LSAMP: variants seen among roughly 807,000 people sequenced by gnomAD.
LSAMP encodes limbic system-associated membrane protein.
Under a neutral mutation model 38.6 loss-of-function variants are expected in LSAMP, and 7 were observed. That is an observed-to-expected ratio of 0.18 (90% CI 0.10 to 0.34). LSAMP has a LOEUF of 0.34. LSAMP is among the 10% of genes least tolerant of loss of function. The pLI is 1.00. For missense variants in LSAMP, 313 were observed against 420.0 expected (o/e 0.75, Z 2.23); for synonymous variants, 154 against 166.8 (o/e 0.92, Z 0.59).
intron 1 of LSAMP, among the ~76,000 whole-genome samples, chr3:116,106,551 T>C (rs9870861): frequency 0.095 from 14,421 of 152,140 alleles, 2,204 homozygotes; most frequent in African/African-American, 0.33. Context: ...GTGGCTGAGC[T>C]TGGTGAGGTG....
chr3:116,007,466 C>T (rs1576302415), intron 3 of LSAMP, among the ~76,000 whole-genome samples: 1 of 151,972 alleles, frequency 6.6e-6, no homozygotes, highest in African/African-American at 2.4e-5. Context: ...ATGAATATGC[C>T]AAGAGAATGA....
intron 1 of LSAMP, 58 bp downstream of exon 1, chr3:116,444,819 C>CACACAA: frequency 8.7e-7 from 1 of 1,153,894 alleles, no homozygotes; most frequent in African/African-American, 2.5e-5. Flanking sequence ...CAAACACACA[C>CACACAA]ACACACACAC....
intron 1 of LSAMP, among the ~76,000 whole-genome samples, chr3:116,108,679 C>T (rs887401008): frequency 3.9e-5 from 6 of 152,088 alleles, no homozygotes; most frequent in South Asian, 2.1e-4. Flanking sequence ...TTGAACAGTC[C>T]GATTTCTAGT....
Position 115,987,172 on chromosome 3 carries a change from A to G in LSAMP, c.514+32343T>C, listed in dbSNP as rs569825841. On this transcript the variant is annotated intron_variant, in intron 3 of 6. Coordinates refer to ENST00000490035, the MANE Select transcript of LSAMP (RefSeq NM_002338.5). The stretch of plus-strand genomic sequence containing the variant: ...TTTTGTATTTACCATACCTCATTTC[A>G]TTTTCTTCTTCCTGATCACAAACAA... 5.1e-4 allele frequency among the ~76,000 whole-genome samples: 77 copies of G among 152,232 alleles called. 2 individuals carry two copies. In the South Asian group the frequency reaches 0.016, roughly 31 times the overall value.
At chr3:116,415,818 A>G (rs111528518) in intron 1 of LSAMP, among the ~76,000 whole-genome samples, 9 of 152,256 alleles carry the variant, frequency 5.9e-5, no homozygotes, top group African/African-American at 1.9e-4. Context: ...GACTATATCA[A>G]CAAGGCTTTG....
chr3:116,326,182 C>T (rs1252567346), intron 1 of LSAMP, among the ~76,000 whole-genome samples: 2 of 151,826 alleles, frequency 1.3e-5, no homozygotes, highest in African/African-American at 4.8e-5. Context: ...TCAACCTTAC[C>T]CTGACCATGT....
intron 1 of LSAMP, among the ~76,000 whole-genome samples, chr3:116,275,574 T>G (rs1464082798): frequency 6.6e-6 from 1 of 151,006 alleles, no homozygotes; most frequent in Non-Finnish European, 1.5e-5. Context: ...GCATTTTCCG[T>G]TTTTTTTTAA....
chr3:116,360,028 A>G (rs1445958371), intron 1 of LSAMP: 1 of 154,618 alleles, frequency 6.5e-6, no homozygotes, highest in African/African-American at 2.4e-5. Context: ...GAATAGGAAC[A>G]GCTCCGGTCT....
chr3:115,871,931 A>G (rs1388773586), intron 3 of LSAMP, among the ~76,000 whole-genome samples: 1 of 152,154 alleles, frequency 6.6e-6, no homozygotes, highest in East Asian at 1.9e-4. Flanking sequence ...CTTGTGGGAA[A>G]GAAGAAAGAG....
chr3:116,194,162 T>C (rs946768069), intron 1 of LSAMP, among the ~76,000 whole-genome samples: 2 of 152,118 alleles, frequency 1.3e-5, no homozygotes, highest in African/African-American at 2.4e-5. Flanking sequence ...CATTAGAAGA[T>C]GAATGCCAGA....
chr3:116,030,101 C>T (rs553371884), intron 2 of LSAMP, among the ~76,000 whole-genome samples: 68 of 152,196 alleles, frequency 4.5e-4, no homozygotes, highest in African/African-American at 1.4e-3. Flanking sequence ...ACATGTGTAG[C>T]GTGGATATCT....
intron 3 of LSAMP, among the ~76,000 whole-genome samples, chr3:115,867,417 G>T (rs2107380144): frequency 6.6e-6 from 1 of 152,142 alleles, no homozygotes; most frequent in Admixed American, 6.6e-5. Context: ...ATTTCAAGAT[G>T]AAAAAGTTAA....
chr3:116,126,045 TGAAGG>T (rs1449933466), intron 1 of LSAMP, among the ~76,000 whole-genome samples: 1 of 152,222 alleles, frequency 6.6e-6, no homozygotes, highest in Non-Finnish European at 1.5e-5. Flanking sequence ...CCCTCAAGAA[TGAAGG>T]GAAAGGTTTT....
At chr3:116,341,812 T>C (rs138933285) in intron 1 of LSAMP, among the ~76,000 whole-genome samples, 323 of 152,058 alleles carry the variant, frequency 2.1e-3, no homozygotes, top group Non-Finnish European at 3.4e-3. Flanking sequence ...TCCTCGACAC[T>C]TGAAATGTGT....
intron 3 of LSAMP, among the ~76,000 whole-genome samples, chr3:115,874,344 C>T (rs1434971454): frequency 6.6e-6 from 1 of 152,026 alleles, no homozygotes; most frequent in African/African-American, 2.4e-5. Context: ...CTTCCTAAGC[C>T]CTGCTTGAAA....
intron 6 of LSAMP, among the ~76,000 whole-genome samples, chr3:115,821,441 C>T (rs560842846): frequency 2.4e-4 from 36 of 152,236 alleles, no homozygotes; most frequent in African/African-American, 5.8e-4. Flanking sequence ...ATGTAGGTAA[C>T]GTAGAGTTTG....
chr3:115,990,914 A>AC (rs1175459720), intron 3 of LSAMP, among the ~76,000 whole-genome samples: 1 of 152,064 alleles, frequency 6.6e-6, no homozygotes, highest in Non-Finnish European at 1.5e-5. Flanking sequence ...TTTAACAGGC[A>AC]CCCCAGTGAT....
chr3:115,889,926 T>C (rs943846903), intron 3 of LSAMP, among the ~76,000 whole-genome samples: 2 of 151,926 alleles, frequency 1.3e-5, no homozygotes, highest in Admixed American at 6.6e-5. Flanking sequence ...GAAGAGATAA[T>C]TTTAGTTACT....
At chr3:116,398,354 T>A (rs1242117960) in intron 1 of LSAMP, among the ~76,000 whole-genome samples, 2 of 152,120 alleles carry the variant, frequency 1.3e-5, no homozygotes, top group South Asian at 2.1e-4. Context: ...ACTAAGATGA[T>A]CATGTGTAAT....
Sources: gnomAD v4.1 joint callset for allele counts (sites outside exome capture counted in the v4.1 genomes callset) on GRCh38, gnomAD v4.1.1 for gene constraint, MANE v1.5 for transcripts, NCBI Gene and HGNC (gene_info 2026-07-23, HGNC 2026-07-21) for gene names.